SKIC3: variants seen among roughly 807,000 people sequenced by gnomAD.
SKIC3 encodes the protein SKI3 subunit of superkiller complex.
chr5:95,490,656 C>T, the SKIC3 span, among the ~76,000 whole-genome samples: 1 of 151,804 alleles, frequency 6.6e-6, no homozygotes, highest in Non-Finnish European at 1.5e-5. Context: ...CGCCACCACG[C>T]TCAGCTAATT....
At chr5:95,470,101 C>T in the SKIC3 span, among the ~76,000 whole-genome samples, 13 of 151,920 alleles carry the variant, frequency 8.6e-5, no homozygotes, top group Non-Finnish European at 1.3e-4. Context: ...CCTCAGCCTC[C>T]GGAGTAGCTG....
chr5:95,520,596 C>T, the SKIC3 span: 14 of 771,058 alleles, frequency 1.8e-5, no homozygotes, highest in Admixed American at 2.9e-5. Context: ...GTCTGTTATT[C>T]TTTATGTTTG....
the SKIC3 span, chr5:95,536,882 A>G: frequency 3.3e-5 from 54 of 1,613,646 alleles, no homozygotes; most frequent in Non-Finnish European, 1.3e-5. Context: ...GATGTTTATC[A>G]TTCCTTCACA....
the SKIC3 span, among the ~76,000 whole-genome samples, chr5:95,467,294 T>C: frequency 1.5e-3 from 231 of 152,324 alleles, 3 homozygotes; most frequent in Non-Finnish European, 2.5e-4. Flanking sequence ...GAATCTATTA[T>C]ATTTTATTAC....
the SKIC3 span, chr5:95,495,105 ATC>A: frequency 7.9e-7 from 1 of 1,267,276 alleles, no homozygotes; most frequent in South Asian, 1.2e-5. Flanking sequence ...TTTCCACTAA[ATC>A]ACTGGAAAGG....
chr5:95,492,514 G>A, the SKIC3 span, among the ~76,000 whole-genome samples: 14 of 144,522 alleles, frequency 9.7e-5, no homozygotes, highest in African/African-American at 3.5e-4. Flanking sequence ...GCGGGCGCCT[G>A]TAGTCCCAGC....
At chr5:95,468,418 C>A in the SKIC3 span, among the ~76,000 whole-genome samples, 8 of 152,098 alleles carry the variant, frequency 5.3e-5, no homozygotes, top group African/African-American at 1.9e-4. Context: ...AAGAGTGGAA[C>A]AAGAAATATT....
At chr5:95,548,179 C>G in the SKIC3 span, among the ~76,000 whole-genome samples, 1 of 151,922 alleles carries the variant, frequency 6.6e-6, no homozygotes. Flanking sequence ...GTCAGCTCCT[C>G]TAATCTCATA....
At chr5:95,514,810 T>C in the SKIC3 span, 6 of 1,587,040 alleles carry the variant, frequency 3.8e-6, no homozygotes, top group Admixed American at 3.4e-5. Context: ...TAGTCAGTTA[T>C]TGATATCAAC....
At chr5:95,470,885 G>GA in the SKIC3 span, among the ~76,000 whole-genome samples, 2 of 151,898 alleles carry the variant, frequency 1.3e-5, no homozygotes, top group Non-Finnish European at 2.9e-5. Flanking sequence ...TATGTAAAGA[G>GA]AAAAAAATGC....
the SKIC3 span, among the ~76,000 whole-genome samples, chr5:95,465,241 G>A: frequency 3.9e-5 from 6 of 151,998 alleles, no homozygotes; most frequent in Admixed American, 1.3e-4. Flanking sequence ...GATTGCTATC[G>A]TTATTAGCAC....
At chr5:95,532,750 C>A in the SKIC3 span, among the ~76,000 whole-genome samples, 444 of 152,140 alleles carry the variant, frequency 2.9e-3, 3 homozygotes, top group African/African-American at 0.01. Flanking sequence ...ATTTTTATTT[C>A]TCAAAAACGC....
chr5:95,475,842 G>A, the SKIC3 span, among the ~76,000 whole-genome samples: 1 of 152,208 alleles, frequency 6.6e-6, no homozygotes, highest in Non-Finnish European at 1.5e-5. Flanking sequence ...TAGTGCATAA[G>A]AGTAACGGTG....
the SKIC3 span, chr5:95,503,774 G>T: frequency 2.0e-5 from 33 of 1,610,616 alleles, no homozygotes; most frequent in Admixed American, 6.7e-5. Flanking sequence ...GATTAAACTC[G>T]ACTCTAAATG....
At chr5:95,532,806 G>C in the SKIC3 span, among the ~76,000 whole-genome samples, 1 of 151,940 alleles carries the variant, frequency 6.6e-6, no homozygotes, top group Non-Finnish European at 1.5e-5. Context: ...AAGGGTAGAG[G>C]GTATTCTGAA....
chr5:95,480,013 A>G, the SKIC3 span, among the ~76,000 whole-genome samples: 1 of 152,206 alleles, frequency 6.6e-6, no homozygotes, highest in Admixed American at 6.5e-5. Flanking sequence ...GGGACTGAAT[A>G]GTCTTTTCAA....
At chr5:95,545,815 C>G in the SKIC3 span, among the ~76,000 whole-genome samples, 2 of 152,150 alleles carry the variant, frequency 1.3e-5, no homozygotes, top group Middle Eastern at 3.2e-3. Context: ...CTGTATCCTT[C>G]TTTTCCACCT....
the SKIC3 span, among the ~76,000 whole-genome samples, chr5:95,483,903 CCA>C: frequency 1.3e-5 from 2 of 152,118 alleles, no homozygotes; most frequent in African/African-American, 4.8e-5. Context: ...TCAACAATCT[CCA>C]CAGTCATTCT....
At chr5:95,540,959 CTATTT>C in the SKIC3 span, 22 of 929,172 alleles carry the variant, frequency 2.4e-5, no homozygotes, top group African/African-American at 3.4e-5. Context: ...AGAACCCCAT[CTATTT>C]TATTTTATTT....
Sources: allele counts gnomAD v4.1 joint callset (sites outside exome capture counted in the v4.1 genomes callset), GRCh38; gene constraint gnomAD v4.1.1; transcripts MANE v1.5; gene names NCBI Gene and HGNC (gene_info 2026-07-23, HGNC 2026-07-21).